LOC128462377: variants seen among roughly 807,000 people sequenced by gnomAD.
the LOC128462377 span, among the ~76,000 whole-genome samples, chr16:89,355,469 G>T: frequency 1.3e-5 from 2 of 152,158 alleles, no homozygotes; most frequent in Non-Finnish European, 2.9e-5. Context: ...AGGCTGACAA[G>T]AATTCAAAGC....
chr16:89,318,359 G>A, the LOC128462377 span, among the ~76,000 whole-genome samples: 4 of 152,204 alleles, frequency 2.6e-5, no homozygotes, highest in Non-Finnish European at 5.9e-5. Context: ...CAAAGCCACT[G>A]TCCCCCCATC....
chr16:89,330,634 G>A, the LOC128462377 span, among the ~76,000 whole-genome samples: 3 of 135,738 alleles, frequency 2.2e-5, no homozygotes, highest in African/African-American at 8.2e-5. Flanking sequence ...TGACACGGCA[G>A]TAGGTTTCCC....
chr16:89,406,152 A>T, the LOC128462377 span, among the ~76,000 whole-genome samples: 4 of 151,868 alleles, frequency 2.6e-5, no homozygotes, highest in Admixed American at 2.0e-4. Context: ...AAATCACCAA[A>T]GTCCTAAGTC....
the LOC128462377 span, among the ~76,000 whole-genome samples, chr16:89,408,776 T>C: frequency 1.3e-5 from 2 of 152,158 alleles, no homozygotes; most frequent in African/African-American, 4.8e-5. Context: ...CAAACCCTAC[T>C]TCCTAAACAT....
the LOC128462377 span, among the ~76,000 whole-genome samples, chr16:89,376,679 T>TCCA: frequency 6.6e-6 from 1 of 152,172 alleles, no homozygotes; most frequent in Non-Finnish European, 1.5e-5. Flanking sequence ...CCTCAAGCGA[T>TCCA]CCACCCACCT....
chr16:89,365,808 C>G, the LOC128462377 span, among the ~76,000 whole-genome samples: 4 of 152,038 alleles, frequency 2.6e-5, no homozygotes, highest in African/African-American at 7.3e-5. Context: ...TTTCATCACC[C>G]AGGTGTTAAG....
At chr16:89,371,168 C>G in the LOC128462377 span, among the ~76,000 whole-genome samples, 1 of 152,170 alleles carries the variant, frequency 6.6e-6, no homozygotes, top group Non-Finnish European at 1.5e-5. Context: ...TGGCTGGTCC[C>G]ACCAAGGAAG....
the LOC128462377 span, among the ~76,000 whole-genome samples, chr16:89,356,352 G>C: frequency 2.6e-5 from 4 of 151,770 alleles, no homozygotes; most frequent in Admixed American, 2.6e-4. Flanking sequence ...AGGTGAGAAG[G>C]ATGTGATCCA....
At chr16:89,369,154 C>A in the LOC128462377 span, among the ~76,000 whole-genome samples, 2 of 152,194 alleles carry the variant, frequency 1.3e-5, no homozygotes, top group African/African-American at 4.8e-5. Flanking sequence ...CAGATCACAG[C>A]ATAAGCACCC....
At chr16:89,326,788 A>G in the LOC128462377 span, among the ~76,000 whole-genome samples, 1 of 152,178 alleles carries the variant, frequency 6.6e-6, no homozygotes, top group African/African-American at 2.4e-5. Flanking sequence ...GGGGCATGAA[A>G]AAGTGCTTGG....
chr16:89,357,683 G>A, the LOC128462377 span, among the ~76,000 whole-genome samples: 8 of 152,168 alleles, frequency 5.3e-5, no homozygotes, highest in Middle Eastern at 6.3e-3. Context: ...CAGCCCTAAC[G>A]AGGAATGCCT....
chr16:89,317,400 C>G, the LOC128462377 span, among the ~76,000 whole-genome samples: 5 of 152,210 alleles, frequency 3.3e-5, no homozygotes, highest in African/African-American at 1.2e-4. Context: ...TGGGTCCCAC[C>G]TGGTACAGGC....
At chr16:89,330,225 G>C in the LOC128462377 span, among the ~76,000 whole-genome samples, 1 of 152,112 alleles carries the variant, frequency 6.6e-6, no homozygotes, top group African/African-American at 2.4e-5. Context: ...TGTCCGGTCA[G>C]GGGCAGGACA....
chr16:89,357,685 G>A, the LOC128462377 span, among the ~76,000 whole-genome samples: 1 of 152,200 alleles, frequency 6.6e-6, no homozygotes, highest in Non-Finnish European at 1.5e-5. Context: ...GCCCTAACGA[G>A]GAATGCCTGT....
chr16:89,361,475 T>C, the LOC128462377 span: 1 of 152,300 alleles, frequency 6.6e-6, no homozygotes, highest in East Asian at 1.9e-4. Flanking sequence ...CCAGTCCACC[T>C]GTTTATGTTC....
chr16:89,373,236 G>C, the LOC128462377 span: 10 of 152,248 alleles, frequency 6.6e-5, no homozygotes, highest in African/African-American at 1.7e-4. Flanking sequence ...TTTAATAGCT[G>C]AACTTGAACA....
chr16:89,382,925 C>G, the LOC128462377 span, among the ~76,000 whole-genome samples: 1 of 152,244 alleles, frequency 6.6e-6, no homozygotes, highest in Non-Finnish European at 1.5e-5. Context: ...ACTGCAACCT[C>G]TGCCTCCCAG....
At chr16:89,349,058 G>A in the LOC128462377 span, among the ~76,000 whole-genome samples, 1 of 140,114 alleles carries the variant, frequency 7.1e-6, no homozygotes, top group African/African-American at 2.6e-5. Context: ...AACCTGGGAG[G>A]CGGAGGTTAC....
the LOC128462377 span, among the ~76,000 whole-genome samples, chr16:89,389,491 C>T: frequency 1.3e-5 from 2 of 152,202 alleles, no homozygotes; most frequent in African/African-American, 4.8e-5. Context: ...GACATGAAAT[C>T]GTGTAACTCA....
Sources: gnomAD v4.1 joint callset for allele counts (sites outside exome capture counted in the v4.1 genomes callset) on GRCh38, gnomAD v4.1.1 for gene constraint, MANE v1.5 for transcripts.